PTPN12: variants seen among roughly 807,000 people sequenced by gnomAD.
The protein encoded by PTPN12 is protein tyrosine phosphatase non-receptor type 12.
Under a neutral mutation model 97.6 loss-of-function variants are expected in PTPN12, and 29 were observed. The observed-to-expected ratio is 0.30, with a 90% CI of 0.22 to 0.41. The LOEUF (loss-of-function observed/expected upper bound fraction) is 0.41, where lower values mean the gene tolerates loss of function less well. Among genes scored for constraint, PTPN12 ranks in the 10% least tolerant of loss-of-function variants. PTPN12 has a pLI of 1.00. For synonymous variants in PTPN12, 327 were observed against 300.4 expected (o/e 1.09, Z -0.91); for missense variants, 819 against 926.0 (o/e 0.88, Z 1.50).
chr7:77,608,648 T>G (rs1185664507), intron 9 of PTPN12, among the ~76,000 whole-genome samples: 1 of 152,230 alleles, frequency 6.6e-6, no homozygotes, highest in Non-Finnish European at 1.5e-5. Flanking sequence ...TTCTTCCTTC[T>G]TCCCCTTATT....
chr7:77,618,372 A>T (rs1788822946), intron 11 of PTPN12, 108 bp from the exon 12 acceptor site: 2 of 707,894 alleles, frequency 2.8e-6, no homozygotes, highest in Non-Finnish European at 4.5e-6. Context: ...AACTTGGCAA[A>T]ATTGGCATTG....
intron 8 of PTPN12, among the ~76,000 whole-genome samples, chr7:77,602,786 C>G (rs1010729243): frequency 1.3e-5 from 2 of 152,088 alleles, no homozygotes; most frequent in Non-Finnish European, 2.9e-5. Flanking sequence ...ACATTAGATT[C>G]TTCTAAAGGC....
chr7:77,573,032 G>A (rs113108590), intron 2 of PTPN12, among the ~76,000 whole-genome samples: 30,140 of 141,834 alleles, frequency 0.21, 4,079 homozygotes, highest in East Asian at 0.7. Context: ...GCCATGAGCC[G>A]AGATTGCGCC....
intron 11 of PTPN12, among the ~76,000 whole-genome samples, chr7:77,615,474 G>A (rs1036955071): frequency 6.6e-6 from 1 of 152,316 alleles, no homozygotes; most frequent in East Asian, 1.9e-4. Context: ...AGGCGCCGTG[G>A]CTCATTTCAT....
At chr7:77,553,820 C>T (rs1475989149) in intron 1 of PTPN12, among the ~76,000 whole-genome samples, 2 of 150,206 alleles carry the variant, frequency 1.3e-5, no homozygotes, top group Non-Finnish European at 3.0e-5. Context: ...ATATTTGCCA[C>T]TATTTTCTGT....
chr7:77,545,102 T>C lies in PTPN12; in HGVS notation c.99+7457T>C, dbSNP rs533068804. On this transcript the variant is annotated intron_variant, in intron 1 of 17. Transcript: ENST00000248594. The stretch of plus-strand genomic sequence containing the variant: ...ATCCCACACCCAATGGATCATACTT[T>C]GTTGACATTGTCTTAGAGTATTAAT... Among the ~76,000 whole-genome samples, 254 of 152,392 alleles carry C rather than the reference T, an allele frequency of 1.7e-3. 2 individuals carry two copies. Among genetic ancestry groups the C allele is most frequent in the African/African-American group, 5.5e-3 (228 of 41,594 alleles).
chr7:77,583,346 G>T (rs1013873233), intron 3 of PTPN12, among the ~76,000 whole-genome samples: 75 of 152,218 alleles, frequency 4.9e-4, no homozygotes, highest in African/African-American at 1.7e-3. Flanking sequence ...ACCATATCCA[G>T]TAAACACAAA....
At chr7:77,599,651 G>A (rs1255066426) in intron 7 of PTPN12, among the ~76,000 whole-genome samples, 3 of 152,060 alleles carry the variant, frequency 2.0e-5, no homozygotes, top group Admixed American at 1.3e-4. Context: ...GAATTTCTGT[G>A]GTAGATCAGG....
chr7:77,599,185 G>A (rs1467461241), intron 7 of PTPN12, among the ~76,000 whole-genome samples: 2 of 151,752 alleles, frequency 1.3e-5, no homozygotes, highest in African/African-American at 4.8e-5. Context: ...CAGTAAGCAG[G>A]TTATTGCATT....
At chr7:77,639,184 A>G (rs775604335) in intron 17 of PTPN12, 35 bp from the exon 18 acceptor site, 1 of 1,540,134 alleles carries the variant, frequency 6.5e-7, no homozygotes, top group South Asian at 1.1e-5. Flanking sequence ...AGTATTTCTG[A>G]ACACTGACTA....
chr7:77,620,514 GT>G lies in PTPN12; in HGVS notation c.1025+1951del, dbSNP rs1342086083. The stretch of plus-strand genomic sequence containing the variant: ...ACAAAGAGAACCTTGTGACTTCTAA[GT>G]TGGGATGATTTTTAGAACTATTATA... On this transcript the variant is annotated intron_variant, in intron 12 of 17. Transcript: ENST00000248594. 3.9e-5 allele frequency among the ~76,000 whole-genome samples: 6 copies of G among 152,322 alleles called. No individual in the cohort carries two copies. The East Asian group carries it at 1.2e-3, about 29-fold the overall frequency.
At chr7:77,636,822 A>G in intron 15 of PTPN12, 196 bp from the exon 16 acceptor site, 1 of 450,140 alleles carries the variant, frequency 2.2e-6, no homozygotes, top group Non-Finnish European at 4.0e-6. Context: ...TCATCCAGAA[A>G]CATTTACTCC....
At chr7:77,598,020 G>A (rs1788074951) in intron 7 of PTPN12, 119 bp downstream of exon 7, 1 of 1,357,654 alleles carries the variant, frequency 7.4e-7, no homozygotes, top group African/African-American at 1.5e-5. Context: ...TTGAGTCCAG[G>A]GGTTCAAGAC....
At chr7:77,633,061 A>G (rs954718993) in intron 14 of PTPN12, among the ~76,000 whole-genome samples, 3 of 152,220 alleles carry the variant, frequency 2.0e-5, no homozygotes, top group Non-Finnish European at 4.4e-5. Context: ...ACCTGAGGTC[A>G]GGAGTTCAAG....
chr7:77,595,045 C>A (rs2151351034), intron 6 of PTPN12, among the ~76,000 whole-genome samples: 1 of 151,640 alleles, frequency 6.6e-6, no homozygotes, highest in Non-Finnish European at 1.5e-5. Flanking sequence ...AAATGGTTCA[C>A]AAAGAAAAAA....
rs1554321255 is a variant in PTPN12, at chr7:77,605,409, G to GGT, written c.696-1826_696-1825insGT. Reference sequence around the variant, plus strand: ...TTACTTTAAAATACTTTTGTCATGAGTTTTTTTTTTTTTTTTTTTTTTTTT... The same window carrying GGT: ...TTACTTTAAAATACTTTTGTCATGAGGTTTTTTTTTTTTTTTTTTTTTTTTTT... On this transcript the variant is annotated intron_variant, in intron 8 of 17. Transcript: ENST00000248594. Among the ~76,000 whole-genome samples, 189 of 95,544 alleles carry GGT rather than the reference G, an allele frequency of 2.0e-3. 42 individuals are homozygous for GGT. The highest frequency in any genetic ancestry group is 3.1e-3 in the South Asian group (9 of 2,876). 62.7% of individuals were successfully genotyped at this position (95,544 alleles called of 152,430 possible).
chr7:77,622,870 TAAAG>T (rs766801048), intron 12 of PTPN12, among the ~76,000 whole-genome samples: 182 of 146,150 alleles, frequency 1.2e-3, no homozygotes, highest in Non-Finnish European at 2.3e-3. Flanking sequence ...ATTTCCAAAA[TAAAG>T]AAATTCATTC....
chr7:77,563,880 T>C, intron 1 of PTPN12: 1 of 390,562 alleles, frequency 2.6e-6, no homozygotes, highest in Non-Finnish European at 5.1e-6. Flanking sequence ...CTTTGGTTAT[T>C]TTAGCTGCTT....
At chr7:77,581,568 A>T (rs1465309269) in intron 3 of PTPN12, 65 bp downstream of exon 3, 1 of 1,039,014 alleles carries the variant, frequency 9.6e-7, no homozygotes, top group African/African-American at 1.7e-5. Flanking sequence ...CTAGTTTTGT[A>T]AAAACTTTTT....
Sources: allele counts gnomAD v4.1 joint callset (sites outside exome capture counted in the v4.1 genomes callset), GRCh38; gene constraint gnomAD v4.1.1; transcripts MANE v1.5; gene names NCBI Gene and HGNC (gene_info 2026-07-23, HGNC 2026-07-21).